Variants in AMPH observed in about 807,000 individuals in gnomAD.
AMPH encodes amphiphysin.
AMPH carries 49 observed loss-of-function variants against 99.1 expected under a neutral mutation model. The ratio of observed to expected loss-of-function variants is 0.49; its 90% CI spans 0.39 to 0.63. The LOEUF (loss-of-function observed/expected upper bound fraction) is 0.63, where lower values mean the gene tolerates loss of function less well. Ranked by LOEUF, AMPH falls within the 20% of genes least tolerant of loss-of-function variation. The pLI is 0.00. For synonymous variants in AMPH, 314 were observed against 317.3 expected, an observed-to-expected ratio of 0.99 and a Z score of 0.11; for missense variants, 759 against 863.4, an observed-to-expected ratio of 0.88 and a Z score of 1.52.
intron 15 of AMPH, among the ~76,000 whole-genome samples, chr7:38,424,590 A>C (rs748728333): frequency 1.3e-5 from 2 of 152,072 alleles, no homozygotes; most frequent in Non-Finnish European, 2.9e-5. Context: ...ATAGAATACT[A>C]GTCAGGAAGT....
At chr7:38,400,367 C>T (rs1334415076) in intron 17 of AMPH, among the ~76,000 whole-genome samples, 1 of 152,234 alleles carries the variant, frequency 6.6e-6, no homozygotes, top group Non-Finnish European at 1.5e-5. Context: ...AATGAGCCAC[C>T]GTGCCCAGCC....
intron 11 of AMPH, among the ~76,000 whole-genome samples, chr7:38,453,574 T>TC (rs1252395218): frequency 6.6e-6 from 1 of 151,878 alleles, no homozygotes; most frequent in Non-Finnish European, 1.5e-5. Flanking sequence ...TGATCCTTTT[T>TC]CCCCCCACCA....
chr7:38,595,162 C>T (rs961398547), intron 1 of AMPH, among the ~76,000 whole-genome samples: 4 of 152,176 alleles, frequency 2.6e-5, no homozygotes, highest in Non-Finnish European at 4.4e-5. Context: ...CACAACGACG[C>T]TGCCCCGCCC....
intron 5 of AMPH, among the ~76,000 whole-genome samples, chr7:38,479,163 C>T (rs951511516): frequency 6.6e-6 from 1 of 151,984 alleles, no homozygotes; most frequent in Non-Finnish European, 1.5e-5. Flanking sequence ...CATCTAAATA[C>T]ATCATAGTCA....
chr7:38,525,154 T>C (rs1790115262), intron 2 of AMPH, among the ~76,000 whole-genome samples: 2 of 144,710 alleles, frequency 1.4e-5, no homozygotes, highest in South Asian at 4.5e-4. Flanking sequence ...TTGTGTTACT[T>C]GTGTGTATAT....
rs143623671 is a variant in AMPH, at chr7:38,499,831, G to A, written c.205+3819C>T. Among the ~76,000 whole-genome samples the A allele has an allele frequency of 2.0e-3, 297 of 152,236 alleles. 1 individual carries two copies. Among genetic ancestry groups the A allele is most frequent in the African/African-American group, 6.7e-3 (280 of 41,556 alleles). On this transcript the variant is annotated intron_variant, in intron 3 of 20. Coordinates refer to ENST00000356264, the MANE Select transcript of AMPH (RefSeq NM_001635.4). ...CTGATCATGCGGGCGGGTTTCTCCCGTGCTGTTCTCGTGATAGTGAATAAG... is the reference window on the plus strand; with the variant it reads ...CTGATCATGCGGGCGGGTTTCTCCCATGCTGTTCTCGTGATAGTGAATAAG...
intron 1 of AMPH, among the ~76,000 whole-genome samples, chr7:38,575,794 T>C (rs1403708262): frequency 6.6e-6 from 1 of 152,196 alleles, no homozygotes; most frequent in Non-Finnish European, 1.5e-5. Context: ...TCCTTCCACT[T>C]TGTTCATCTC....
At chr7:38,502,794 C>A (rs555382916) in intron 3 of AMPH, among the ~76,000 whole-genome samples, 1 of 152,156 alleles carries the variant, frequency 6.6e-6, no homozygotes, top group Non-Finnish European at 1.5e-5. Flanking sequence ...GGTGCCATCC[C>A]TACTGAAGTT....
intron 2 of AMPH, among the ~76,000 whole-genome samples, chr7:38,510,134 G>T (rs1584186125): frequency 6.6e-6 from 1 of 152,152 alleles, no homozygotes; most frequent in African/African-American, 2.4e-5. Context: ...TCTGGAGGCT[G>T]AAAGTCCAAG....
At chr7:38,517,640 G>A (rs569703367) in intron 2 of AMPH, among the ~76,000 whole-genome samples, 4 of 152,298 alleles carry the variant, frequency 2.6e-5, no homozygotes, top group African/African-American at 9.6e-5. Context: ...TATCTAAGCA[G>A]CAAAGCATTC....
chr7:38,597,063 C>T (rs577162863), intron 1 of AMPH, among the ~76,000 whole-genome samples: 1 of 152,302 alleles, frequency 6.6e-6, no homozygotes, highest in East Asian at 1.9e-4. Flanking sequence ...ATGTATGCTA[C>T]TCCATTTTGA....
chr7:38,454,783 T>C (rs1787167000), intron 11 of AMPH, among the ~76,000 whole-genome samples: 1 of 152,194 alleles, frequency 6.6e-6, no homozygotes, highest in Non-Finnish European at 1.5e-5. Flanking sequence ...GAGATGTTTA[T>C]CGAAGTGCTG....
intron 1 of AMPH, among the ~76,000 whole-genome samples, chr7:38,535,227 T>A (rs1390255036): frequency 2.0e-5 from 3 of 151,962 alleles, no homozygotes; most frequent in Non-Finnish European, 2.9e-5. Flanking sequence ...CCTCACAGGC[T>A]GTGTGGCTTT....
At position 38,570,984 on chromosome 7, in the gene AMPH, C is replaced by G. The variant is rs1344492253; in HGVS notation, c.70-35973G>C. Among the ~76,000 whole-genome samples, 46 of 5,474 alleles carry G rather than the reference C, an allele frequency of 8.4e-3. 10 individuals are homozygous for G. Among genetic ancestry groups the G allele is most frequent in the African/African-American group, 0.017 (21 of 1,260 alleles). The allele number at this position is 5,474 out of a possible 152,430, so 3.6% of individuals were successfully genotyped here. ...TATATATATAGAATATATATATATT[C>G]AATATATATATATTCATATATATAG... On this transcript the variant is annotated intron_variant, in intron 1 of 20. Coordinates refer to ENST00000356264, the MANE Select transcript of AMPH (RefSeq NM_001635.4).
chr7:38,475,231 T>C, intron 7 of AMPH, 100 bp downstream of exon 7: 1 of 773,292 alleles, frequency 1.3e-6, no homozygotes. Context: ...CACTGGACAG[T>C]GTTGAAATGT....
chr7:38,580,985 T>G (rs1158471244), intron 1 of AMPH, among the ~76,000 whole-genome samples: 1 of 152,230 alleles, frequency 6.6e-6, no homozygotes, highest in African/African-American at 2.4e-5. Context: ...GATATGTTTA[T>G]AAATTATTTC....
At chr7:38,566,147 T>C (rs1309349884) in intron 1 of AMPH, among the ~76,000 whole-genome samples, 1 of 152,170 alleles carries the variant, frequency 6.6e-6, no homozygotes, top group African/African-American at 2.4e-5. Flanking sequence ...ATTTTCTACC[T>C]ATTTAGAGGT....
intron 1 of AMPH, among the ~76,000 whole-genome samples, chr7:38,546,872 G>A (rs995622917): frequency 2.0e-5 from 3 of 152,164 alleles, no homozygotes; most frequent in Admixed American, 1.3e-4. Flanking sequence ...TGCCCCTCCA[G>A]ATCCATTCTC....
chr7:38,554,176 T>C (rs996877518), intron 1 of AMPH, among the ~76,000 whole-genome samples: 2 of 152,230 alleles, frequency 1.3e-5, no homozygotes, highest in Non-Finnish European at 2.9e-5. Context: ...CTCTTTCCCT[T>C]TGAAGCCCAT....
Sources: allele counts gnomAD v4.1 joint callset (sites outside exome capture counted in the v4.1 genomes callset), GRCh38; gene constraint gnomAD v4.1.1; transcripts MANE v1.5; gene names NCBI Gene and HGNC (gene_info 2026-07-23, HGNC 2026-07-21).